The following CENPW variants were observed in gnomAD, a reference collection of about 807,000 sequenced individuals.
The protein encoded by CENPW is centromere protein W, also known as cancer-up-regulated gene 2 protein.
Under a neutral mutation model 11.1 loss-of-function variants are expected in CENPW, and 3 were observed. That is an observed-to-expected ratio of 0.27 (90% CI 0.12 to 0.70). The LOEUF is 0.70. Among genes scored for constraint, CENPW ranks in the 30% least tolerant of loss-of-function variants. The pLI is 0.77. For missense variants in CENPW, 100 were observed against 105.6 expected (o/e 0.95, Z 0.23); for synonymous variants, 38 against 42.0 (o/e 0.91, Z 0.37).
chr6:126,471,451 G>T, the CENPW span, among the ~76,000 whole-genome samples: 1 of 152,212 alleles, frequency 6.6e-6, no homozygotes, highest in Non-Finnish European at 1.5e-5. Context: ...TTATGGCAGT[G>T]TGAAAATAAA....
chr6:126,373,150 A>G, the CENPW span, among the ~76,000 whole-genome samples: 1 of 152,248 alleles, frequency 6.6e-6, no homozygotes, highest in Non-Finnish European at 1.5e-5. Flanking sequence ...TGATTTTGTA[A>G]CAAAATTTAC....
chr6:126,465,200 AAACT>A, the CENPW span, among the ~76,000 whole-genome samples: 2 of 152,168 alleles, frequency 1.3e-5, no homozygotes, highest in African/African-American at 4.8e-5. Context: ...GTATTCCTAC[AAACT>A]ATCAAAATTA....
At chr6:126,341,968 A>G (rs1780319829) in intron 1 of CENPW, among the ~76,000 whole-genome samples, 1 of 152,184 alleles carries the variant, frequency 6.6e-6, no homozygotes, top group Middle Eastern at 3.2e-3. Context: ...TTGATGGGGT[A>G]TAGAATGTTC....
chr6:126,444,041 C>T, the CENPW span, among the ~76,000 whole-genome samples: 11 of 149,632 alleles, frequency 7.4e-5, no homozygotes, highest in African/African-American at 1.5e-4. Context: ...AAAAGCATGA[C>T]GTCAATCAGG....
the CENPW span, among the ~76,000 whole-genome samples, chr6:126,414,616 T>C: frequency 5.3e-5 from 8 of 152,014 alleles, no homozygotes; most frequent in South Asian, 4.1e-4. Context: ...ACCTATGGGA[T>C]ATAGCAAAAG....
the CENPW span, among the ~76,000 whole-genome samples, chr6:126,384,706 C>T: frequency 3.3e-5 from 5 of 151,926 alleles, no homozygotes; most frequent in South Asian, 8.3e-4. Flanking sequence ...TCTGGACACA[C>T]GAACTGGCAA....
chr6:126,399,818 G>T, the CENPW span, among the ~76,000 whole-genome samples: 1 of 151,848 alleles, frequency 6.6e-6, no homozygotes, highest in South Asian at 2.1e-4. Flanking sequence ...AAGTTTCTTG[G>T]TGCCCTTTCT....
the CENPW span, among the ~76,000 whole-genome samples, chr6:126,466,741 A>C: frequency 6.6e-6 from 1 of 152,116 alleles, no homozygotes; most frequent in African/African-American, 2.4e-5. Context: ...GTTAAACACC[A>C]TAGTCTTGAC....
chr6:126,463,259 C>T, the CENPW span, among the ~76,000 whole-genome samples: 3 of 151,874 alleles, frequency 2.0e-5, no homozygotes, highest in African/African-American at 4.8e-5. Flanking sequence ...CTAGGATATA[C>T]CTAGAGGCAG....
chr6:126,467,229 CA>C, the CENPW span, among the ~76,000 whole-genome samples: 1 of 152,094 alleles, frequency 6.6e-6, no homozygotes, highest in Non-Finnish European at 1.5e-5. Context: ...ATCAAGTTAC[CA>C]GACTTCCAAC....
chr6:126,399,594 A>G, the CENPW span, among the ~76,000 whole-genome samples: 2 of 152,076 alleles, frequency 1.3e-5, no homozygotes, highest in Non-Finnish European at 2.9e-5. Context: ...TACCTTAAAT[A>G]TACACAATTT....
At chr6:126,383,603 G>GA in the CENPW span, among the ~76,000 whole-genome samples, 17 of 149,786 alleles carry the variant, frequency 1.1e-4, no homozygotes, top group East Asian at 3.9e-4. Context: ...ATGGAAAAAA[G>GA]AAAAAAAAAT....
chr6:126,366,253 TA>T, the CENPW span, among the ~76,000 whole-genome samples: 900 of 152,224 alleles, frequency 5.9e-3, 4 homozygotes, highest in Non-Finnish European at 9.9e-3. Flanking sequence ...TCTGTAATTT[TA>T]AAAAAATTAC....
chr6:126,402,040 C>G, the CENPW span, among the ~76,000 whole-genome samples: 111 of 152,140 alleles, frequency 7.3e-4, no homozygotes, highest in African/African-American at 2.6e-3. Context: ...TAGTTGATTG[C>G]CCTGGAACCT....
the CENPW span, among the ~76,000 whole-genome samples, chr6:126,456,000 C>T: frequency 1.5e-4 from 22 of 150,634 alleles, no homozygotes; most frequent in Admixed American, 1.1e-3. Context: ...ATATATCTAA[C>T]GAGGGGGGGC....
the CENPW span, among the ~76,000 whole-genome samples, chr6:126,474,773 A>G: frequency 2.6e-5 from 4 of 152,190 alleles, no homozygotes; most frequent in African/African-American, 9.6e-5. Flanking sequence ...TCTCTATCCT[A>G]GGGTGGAACA....
the CENPW span, among the ~76,000 whole-genome samples, chr6:126,382,608 T>G: frequency 2.0e-5 from 3 of 152,114 alleles, no homozygotes; most frequent in Non-Finnish European, 4.4e-5. Flanking sequence ...ACTGACCTGA[T>G]GGAGTTGAGA....
chr6:126,473,462 T>A, the CENPW span, among the ~76,000 whole-genome samples: 1 of 152,136 alleles, frequency 6.6e-6, no homozygotes, highest in East Asian at 1.9e-4. Flanking sequence ...CCGGGCACAG[T>A]GACTCATTCC....
the CENPW span, among the ~76,000 whole-genome samples, chr6:126,355,389 G>A: frequency 6.6e-6 from 1 of 152,094 alleles, no homozygotes; most frequent in East Asian, 1.9e-4. Flanking sequence ...AACTTGTGCT[G>A]TGTTCAGGTT....
Sources: allele counts gnomAD v4.1 joint callset (sites outside exome capture counted in the v4.1 genomes callset), GRCh38; gene constraint gnomAD v4.1.1; transcripts MANE v1.5; gene names NCBI Gene and HGNC (gene_info 2026-07-23, HGNC 2026-07-21).